The following KCNH7 variants were observed in gnomAD, a reference collection of about 807,000 sequenced individuals.
KCNH7 encodes voltage-gated inwardly rectifying potassium channel KCNH7.
Under a neutral mutation model 120.8 loss-of-function variants are expected in KCNH7, and 49 were observed. The ratio of observed to expected loss-of-function variants is 0.41; its 90% CI spans 0.32 to 0.51. The LOEUF (loss-of-function observed/expected upper bound fraction) is 0.51, where lower values mean the gene tolerates loss of function less well. KCNH7 is among the 20% of genes least tolerant of loss of function. The pLI is 0.38. For missense variants in KCNH7, 1,097 were observed against 1,446.6 expected, an observed-to-expected ratio of 0.76 and a Z score of 3.92; for synonymous variants, 547 against 516.1, an observed-to-expected ratio of 1.06 and a Z score of -0.81.
intron 2 of KCNH7, among the ~76,000 whole-genome samples, chr2:162,643,571 G>A (rs1228327556): frequency 6.6e-6 from 1 of 151,970 alleles, no homozygotes; most frequent in East Asian, 1.9e-4. Context: ...CACTTTGGGA[G>A]GCCAAGGCTG....
At chr2:162,667,170 C>A (rs566009517) in intron 2 of KCNH7, among the ~76,000 whole-genome samples, 46 of 151,988 alleles carry the variant, frequency 3.0e-4, no homozygotes, top group Non-Finnish European at 4.4e-5. Context: ...TAGGTGTACA[C>A]CACAATGCCC....
At chr2:162,705,570 C>T (rs559921010) in intron 2 of KCNH7, among the ~76,000 whole-genome samples, 1 of 152,212 alleles carries the variant, frequency 6.6e-6, no homozygotes, top group Admixed American at 6.6e-5. Flanking sequence ...AAATTCATTA[C>T]AGTATAAATT....
intron 2 of KCNH7, among the ~76,000 whole-genome samples, chr2:162,641,159 T>C (rs2105237096): frequency 6.6e-6 from 1 of 152,242 alleles, no homozygotes; most frequent in South Asian, 2.1e-4. Flanking sequence ...CCACATGACC[T>C]AACAATTACA....
chr2:162,442,714 G>A (rs1361808286), intron 7 of KCNH7, among the ~76,000 whole-genome samples: 1 of 152,082 alleles, frequency 6.6e-6, no homozygotes, highest in Non-Finnish European at 1.5e-5. Flanking sequence ...AAAATTAGCC[G>A]GGTATGGTGG....
At chr2:162,710,850 T>C (rs1686902522) in intron 2 of KCNH7, among the ~76,000 whole-genome samples, 2 of 152,062 alleles carry the variant, frequency 1.3e-5, no homozygotes, top group Non-Finnish European at 2.9e-5. Flanking sequence ...AATGGGAAAT[T>C]TATAGATTTT....
intron 2 of KCNH7, among the ~76,000 whole-genome samples, chr2:162,600,700 T>G (rs1694523003): frequency 6.6e-6 from 1 of 152,108 alleles, no homozygotes; most frequent in South Asian, 2.1e-4. Flanking sequence ...TTGCATGAAT[T>G]AACACTTCCA....
At chr2:162,472,372 G>C (rs536383835) in intron 6 of KCNH7, among the ~76,000 whole-genome samples, 11 of 152,136 alleles carry the variant, frequency 7.2e-5, no homozygotes, top group African/African-American at 2.4e-4. Context: ...AATTTACAAA[G>C]AACTCAAACA....
intron 2 of KCNH7, among the ~76,000 whole-genome samples, chr2:162,567,968 T>C (rs1693316942): frequency 6.6e-6 from 1 of 152,030 alleles, no homozygotes; most frequent in Admixed American, 6.6e-5. Context: ...ATTAGTCCAT[T>C]CTCACGTTGC....
At position 162,553,427 on chromosome 2, in the gene KCNH7, A is replaced by T. The variant is rs987460572; in HGVS notation, c.308-16347T>A. 2.0e-5 allele frequency among the ~76,000 whole-genome samples: 3 copies of T among 152,196 alleles called. No individual in the cohort carries two copies. In the East Asian group the frequency reaches 5.8e-4, roughly 29 times the overall value. On this transcript the variant is annotated intron_variant, in intron 2 of 15. Coordinates refer to ENST00000332142, the MANE Select transcript of KCNH7 (RefSeq NM_033272.4). ...TACTTTGGAAGGCTGAGGCGGGCAG[A>T]TCACAAGGTCAGGAGATGGAGACCA...
At chr2:162,738,067 C>CAAA (rs58433565) in intron 2 of KCNH7, among the ~76,000 whole-genome samples, 7 of 56,020 alleles carry the variant, frequency 1.2e-4, no homozygotes, top group East Asian at 9.4e-4. Context: ...GACTTCATAT[C>CAAA]AAAAAAAAAA....
intron 2 of KCNH7, among the ~76,000 whole-genome samples, chr2:162,627,039 T>C (rs1683586288): frequency 6.6e-6 from 1 of 152,230 alleles, no homozygotes; most frequent in Non-Finnish European, 1.5e-5. Flanking sequence ...TGTTAATTAG[T>C]GAGTGAATTC....
chr2:162,650,996 A>G (rs1684546084), intron 2 of KCNH7, among the ~76,000 whole-genome samples: 1 of 152,140 alleles, frequency 6.6e-6, no homozygotes, highest in African/African-American at 2.4e-5. Context: ...AACATGAATA[A>G]TTACTTATTG....
intron 2 of KCNH7, among the ~76,000 whole-genome samples, chr2:162,638,453 T>G (rs1189112585): frequency 6.6e-6 from 1 of 152,086 alleles, no homozygotes; most frequent in African/African-American, 2.4e-5. Flanking sequence ...TTCTGCATTT[T>G]GAAAGCAGAA....
chr2:162,661,615 G>C (rs1446063818), intron 2 of KCNH7, among the ~76,000 whole-genome samples: 2 of 152,024 alleles, frequency 1.3e-5, no homozygotes, highest in Admixed American at 1.3e-4. Context: ...TGATACCTTG[G>C]AGGCTCAATG....
At chr2:162,426,012 G>A (rs1018785014) in intron 8 of KCNH7, among the ~76,000 whole-genome samples, 8 of 151,884 alleles carry the variant, frequency 5.3e-5, no homozygotes, top group Non-Finnish European at 1.0e-4. Context: ...TCAGCGGTTC[G>A]AGACCAGTCT....
intron 6 of KCNH7, among the ~76,000 whole-genome samples, chr2:162,495,220 G>A (rs1327847191): frequency 6.6e-6 from 1 of 152,112 alleles, no homozygotes; most frequent in Admixed American, 6.6e-5. Flanking sequence ...TCCCTTTAAG[G>A]AATCAAGCAT....
chr2:162,457,404 A>G (rs956026410), intron 6 of KCNH7, among the ~76,000 whole-genome samples: 1 of 152,176 alleles, frequency 6.6e-6, no homozygotes, highest in African/African-American at 2.4e-5. Flanking sequence ...CTTTTCTCAA[A>G]CCACTAATTA....
intron 2 of KCNH7, among the ~76,000 whole-genome samples, chr2:162,807,265 A>AC (rs1559143021): frequency 1.6e-5 from 2 of 127,008 alleles, no homozygotes; most frequent in Non-Finnish European, 3.3e-5. Context: ...ACAAAAAAAA[A>AC]AAAAAAAAAA....
chr2:162,518,047 T>C lies in KCNH7; in HGVS notation c.575A>G (p.Asp192Gly). The change falls in exon 4 of 16, where the codon GAT (aspartate) becomes GGT (glycine). Residue 192 changes from aspartate (D) to glycine (G), a missense_variant. This residue lies in a region of KCNH7 where 362 missense variants were observed against 372.2 expected (regional missense o/e 0.97). Transcript: ENST00000332142. ...VVVIDSSKHS[D>G]DSVAMKHFKS... ...AAAATGCTTCATGGCTACTGAATCATCACTGTGTTTAGATGAATCGATGAC... is the reference window on the plus strand; with the variant it reads ...AAAATGCTTCATGGCTACTGAATCACCACTGTGTTTAGATGAATCGATGAC... 1 of 1,612,542 alleles carries C rather than the reference T, an allele frequency of 6.2e-7. No homozygotes were observed. Among genetic ancestry groups the C allele is most frequent in the Non-Finnish European group, 8.5e-7 (1 of 1,178,944 alleles).
Sources: allele counts gnomAD v4.1 joint callset (sites outside exome capture counted in the v4.1 genomes callset), GRCh38; gene constraint gnomAD v4.1.1; regional missense constraint gnomAD v4.1.1; transcripts MANE v1.5; gene names NCBI Gene and HGNC (gene_info 2026-07-23, HGNC 2026-07-21).